The following BRWD3 variants were observed in gnomAD, a reference collection of about 807,000 sequenced individuals.
BRWD3 encodes bromodomain and WD repeat-containing protein 3.
In BRWD3, 10 loss-of-function variants were observed where a neutral mutation model predicts 149.7. That is an observed-to-expected ratio of 0.07 (90% CI 0.04 to 0.11). The LOEUF (loss-of-function observed/expected upper bound fraction) is 0.11. BRWD3 is among the 10% of genes least tolerant of loss of function. The probability of loss-of-function intolerance (pLI) is 1.00; values close to 1 mark genes in which losing one functional copy is unlikely to be tolerated. For missense variants in BRWD3, 940 were observed against 1,373.2 expected, an observed-to-expected ratio of 0.68 and a Z score of 4.99; for synonymous variants, 504 against 456.7, an observed-to-expected ratio of 1.10 and a Z score of -1.32.
intron 30 of BRWD3, among the ~76,000 whole-genome samples, chrX:80,691,528 C>A (rs1227454068): frequency 1.8e-5 from 2 of 111,471 alleles, no homozygotes; most frequent in Admixed American, 9.6e-5. Flanking sequence ...TACCAAGAAA[C>A]CCATCCAAAG....
intron 8 of BRWD3, among the ~76,000 whole-genome samples, chrX:80,741,773 T>C (rs2073511262): frequency 8.9e-6 from 1 of 112,135 alleles, no homozygotes; most frequent in Non-Finnish European, 1.9e-5. Flanking sequence ...TTTTTTCTTG[T>C]AAATTTGTTT....
chrX:80,709,128 T>C (rs1196369548), intron 21 of BRWD3, among the ~76,000 whole-genome samples: 12 of 111,333 alleles, frequency 1.1e-4, no homozygotes, highest in Non-Finnish European at 2.1e-4. Context: ...TCTTTATATT[T>C]CGCTCCTTTC....
At chrX:80,808,399 G>C (rs2074371542) in intron 4 of BRWD3, 140 bp downstream of exon 4, 1 of 531,314 alleles carries the variant, frequency 1.9e-6, no homozygotes, top group South Asian at 2.6e-5. Flanking sequence ...AGCAGGGATG[G>C]GGGAAGGGGC....
At chrX:80,788,799 G>T (rs916644119) in intron 6 of BRWD3, among the ~76,000 whole-genome samples, 1 of 111,835 alleles carries the variant, frequency 8.9e-6, no homozygotes, top group Non-Finnish European at 1.9e-5. Context: ...GAAATGACAC[G>T]CATGAATTTC....
chrX:80,717,611 T>C lies in BRWD3; in HGVS notation c.2193A>G (p.Arg731=), dbSNP rs775846264. Residue 731 remains arginine (R), a synonymous_variant, in exon 19 of 41, where the codon AGA becomes AGG. Coordinates refer to ENST00000373275, the MANE Select transcript of BRWD3 (RefSeq NM_153252.5). ...TATTTAGTTCATTGACCACCACTCT[T>C]CTGCTCCACGCCATGAGATCTCTTT... The part of the protein sequence containing the change: ...ATERDLMAWS[R]RVVVNELNNG... 2 of 1,211,817 alleles carry C rather than the reference T, an allele frequency of 1.7e-6. No homozygotes were observed. Among genetic ancestry groups the C allele is most frequent in the Middle Eastern group, 2.3e-4 (1 of 4,355 alleles).
chrX:80,699,745 A>T (rs1323109308), intron 25 of BRWD3, among the ~76,000 whole-genome samples: 2 of 112,094 alleles, frequency 1.8e-5, no homozygotes, highest in Admixed American at 1.9e-4. Flanking sequence ...GGACTAGTAT[A>T]GACTAGACAA....
chrX:80,714,021 C>CT lies in BRWD3; in HGVS notation c.2325+2135dup, dbSNP rs1193242112. Among the ~76,000 whole-genome samples, 8 of 111,513 alleles carry CT rather than the reference C, an allele frequency of 7.2e-5. No individual in the cohort carries two copies. In the Admixed American group the frequency reaches 7.6e-4, roughly 11 times the overall value. On this transcript the variant is annotated intron_variant, in intron 20 of 40. Coordinates refer to ENST00000373275, the MANE Select transcript of BRWD3 (RefSeq NM_153252.5). ...AAACCCAAATGTTTCTTTGCCATATCTTGAAATAGCCCTGCAAAGTTGTCT... is the reference window on the plus strand; with the variant it reads ...AAACCCAAATGTTTCTTTGCCATATCTTTGAAATAGCCCTGCAAAGTTGTCT...
intron 6 of BRWD3, among the ~76,000 whole-genome samples, chrX:80,788,583 T>G (rs765153776): frequency 2.4e-4 from 27 of 111,716 alleles, no homozygotes; most frequent in African/African-American, 3.3e-4. Context: ...CAGTTTCTTA[T>G]AAAGTTAAAG....
intron 6 of BRWD3, among the ~76,000 whole-genome samples, chrX:80,754,962 G>A (rs1376890613): frequency 9.0e-6 from 1 of 111,080 alleles, no homozygotes; most frequent in African/African-American, 3.3e-5. Context: ...AAGCCGAGAT[G>A]GCGCCACTGG....
intron 8 of BRWD3, 95 bp from the exon 9 acceptor site, chrX:80,736,183 T>C (rs2073401731): frequency 3.5e-6 from 2 of 569,449 alleles, no homozygotes; most frequent in Non-Finnish European, 5.5e-6. Flanking sequence ...ATTTAACAAA[T>C]ATAATTTCAA....
At chrX:80,809,350 G>C in intron 1 of BRWD3, 46 bp from the exon 2 acceptor site, 1 of 1,159,401 alleles carries the variant, frequency 8.6e-7, no homozygotes. Context: ...GTAGAGAAGA[G>C]AAATAGAAGC....
chrX:80,728,125 T>G (rs1359250334), intron 14 of BRWD3, among the ~76,000 whole-genome samples: 1 of 111,861 alleles, frequency 8.9e-6, no homozygotes, highest in Non-Finnish European at 1.9e-5. Flanking sequence ...TGGCAACCAT[T>G]TGGCATTCTC....
At chrX:80,763,864 C>G (rs967232251) in intron 6 of BRWD3, among the ~76,000 whole-genome samples, 3 of 111,769 alleles carry the variant, frequency 2.7e-5, no homozygotes, top group African/African-American at 9.8e-5. Context: ...TTGTAGACAT[C>G]AAGGAGCTTA....
Position 80,685,462 on chromosome X carries a change from C to A in BRWD3, c.4080G>T (p.Glu1360Asp). The change falls in exon 36 of 41, where the codon GAG (glutamate) becomes GAT (aspartate). Residue 1360 changes from glutamate to aspartate, a missense_variant and splice_region_variant. This residue lies in a region of BRWD3 where 349 missense variants were observed against 419.6 expected (regional missense o/e 0.83). Transcript: ENST00000373275. ...PERQQDSSLS[E>D]DYQDVIDTPV... ...TCTTTTAAGAGACTACCAGGCCTAC[C>A]TCAGAAAGAGATGAATCTTGTTGTC... The A allele has an allele frequency of 8.3e-7, 1 of 1,204,606 alleles. No homozygotes were observed. The highest frequency in any genetic ancestry group is 1.1e-6 in the Non-Finnish European group (1 of 889,696).
At chrX:80,691,219 A>C in intron 30 of BRWD3, 46 bp from the exon 31 acceptor site, 1 of 1,165,782 alleles carries the variant, frequency 8.6e-7, no homozygotes, top group Non-Finnish European at 1.2e-6. Flanking sequence ...AAGGACATTA[A>C]CATCTCATGG....
chrX:80,691,200 G>A, intron 30 of BRWD3, 27 bp from the exon 31 acceptor site: 1 of 1,197,722 alleles, frequency 8.3e-7, no homozygotes, highest in Non-Finnish European at 1.1e-6. Flanking sequence ...ATCAAATAAG[G>A]TAGCTATAAA....
Position 80,675,627 on chromosome X carries a change from T to C in BRWD3, c.*982A>G, listed in dbSNP as rs1347146596. 8.9e-6 allele frequency: 1 copy of C among 112,090 alleles called. No individual in the cohort carries two copies. The highest frequency in any genetic ancestry group is 1.9e-5 in the Non-Finnish European group (1 of 53,147). 9.2% of individuals were successfully genotyped at this position (112,090 alleles called of 1,213,427 possible). ...CTACTAAGCTTGTTCTATTTCTCCT[T>C]AGTCAGTAAGGAATAACAGCATCTA... is the stretch of plus-strand genomic sequence containing the variant. On this transcript the variant is annotated 3_prime_UTR_variant, in exon 41 of 41. Transcript: ENST00000373275.
At chrX:80,707,544 C>T in intron 21 of BRWD3, 41 bp from the exon 22 acceptor site, 1 of 1,133,050 alleles carries the variant, frequency 8.8e-7, no homozygotes, top group Non-Finnish European at 1.2e-6. Context: ...TGGATATTAC[C>T]AGCTAATGTA....
chrX:80,773,876 A>T (rs1438331433), intron 6 of BRWD3, among the ~76,000 whole-genome samples: 2 of 112,346 alleles, frequency 1.8e-5, no homozygotes, highest in Admixed American at 9.5e-5. Context: ...TAAGTCCTGT[A>T]CTACAATCAC....
Sources: allele counts gnomAD v4.1 joint callset (sites outside exome capture counted in the v4.1 genomes callset), GRCh38; gene constraint gnomAD v4.1.1; regional missense constraint gnomAD v4.1.1; transcripts MANE v1.5; gene names NCBI Gene and HGNC (gene_info 2026-07-23, HGNC 2026-07-21).